Variants in L3MBTL3 observed in about 807,000 individuals in gnomAD.
L3MBTL3 encodes the protein lethal(3)malignant brain tumor-like protein 3.
A neutral mutation model predicts 102.3 loss-of-function variants in L3MBTL3; 27 were observed. The observed-to-expected ratio is 0.26, with a 90% CI of 0.19 to 0.36. The LOEUF (loss-of-function observed/expected upper bound fraction) is 0.36, where lower values mean the gene tolerates loss of function less well. L3MBTL3 is among the 10% of genes least tolerant of loss of function. The pLI is 1.00. For synonymous variants in L3MBTL3, 340 were observed against 320.9 expected (o/e 1.06, Z -0.64); for missense variants, 798 against 955.3 (o/e 0.84, Z 2.17).
intron 20 of L3MBTL3, among the ~76,000 whole-genome samples, chr6:130,124,734 G>T (rs1045288563): frequency 1.3e-5 from 2 of 152,176 alleles, no homozygotes; most frequent in Admixed American, 1.3e-4. Flanking sequence ...ACTTTGGGAG[G>T]CCGAGGCGGG....
intron 17 of L3MBTL3, among the ~76,000 whole-genome samples, chr6:130,093,150 A>G (rs1184854051): frequency 1.3e-5 from 2 of 152,216 alleles, no homozygotes; most frequent in East Asian, 1.9e-4. Context: ...GAGACTTTCA[A>G]AATTTATTGT....
At chr6:130,063,214 C>T (rs778947152) in intron 10 of L3MBTL3, among the ~76,000 whole-genome samples, 6 of 152,026 alleles carry the variant, frequency 3.9e-5, no homozygotes, top group Non-Finnish European at 5.9e-5. Context: ...AAGTAGGGCT[C>T]GTGGATACAG....
At chr6:130,098,629 A>T (rs1784498491) in intron 18 of L3MBTL3, among the ~76,000 whole-genome samples, 1 of 152,160 alleles carries the variant, frequency 6.6e-6, no homozygotes, top group Non-Finnish European at 1.5e-5. Context: ...CAAGGACTTA[A>T]TGTGTGACCT....
chr6:130,078,424 T>G, intron 13 of L3MBTL3, 134 bp from the exon 14 acceptor site: 1 of 565,254 alleles, frequency 1.8e-6, no homozygotes, highest in Admixed American at 3.5e-5. Flanking sequence ...TTTAGCATTT[T>G]TTTCCAAATT....
chr6:130,100,688 G>T (rs564805964), intron 18 of L3MBTL3, among the ~76,000 whole-genome samples: 1 of 151,752 alleles, frequency 6.6e-6, no homozygotes, highest in Admixed American at 6.6e-5. Context: ...GTGTCATAAT[G>T]GCTGCAGTCT....
At chr6:130,095,541 G>T (rs1208183939) in intron 18 of L3MBTL3, among the ~76,000 whole-genome samples, 1 of 152,080 alleles carries the variant, frequency 6.6e-6, no homozygotes, top group African/African-American at 2.4e-5. Flanking sequence ...CCTAGTGAAG[G>T]CAGCTGGATT....
chr6:130,071,247 CT>C, intron 13 of L3MBTL3, 120 bp downstream of exon 13: 2 of 861,954 alleles, frequency 2.3e-6, no homozygotes, highest in Admixed American at 5.4e-5. Flanking sequence ...CCACTTTTTC[CT>C]GTTACAGATT....
Position 130,115,244 on chromosome 6 carries a change from C to G in L3MBTL3, c.1887-5635C>G, listed in dbSNP as rs115173290. On this transcript the variant is annotated intron_variant, in intron 19 of 22. Transcript: ENST00000361794. ...AAGGGTGGCGTTATTTTAAACCAAG[C>G]CAAACTAAGGAGTGAACTTTCACAC... Among the ~76,000 whole-genome samples, 847 of 152,220 alleles carry G rather than the reference C, an allele frequency of 5.6e-3. 13 individuals are homozygous for G. Among genetic ancestry groups the G allele is most frequent in the African/African-American group, 0.019 (787 of 41,536 alleles).
intron 19 of L3MBTL3, among the ~76,000 whole-genome samples, chr6:130,105,613 C>A (rs1166508510): frequency 1.6e-4 from 13 of 83,356 alleles, no homozygotes; most frequent in Non-Finnish European, 3.3e-4. Flanking sequence ...CAGAGTGAGA[C>A]CCTGTCTCAA....
chr6:130,037,782 A>G (rs1035395543), intron 2 of L3MBTL3, among the ~76,000 whole-genome samples: 2 of 152,140 alleles, frequency 1.3e-5, no homozygotes, highest in African/African-American at 4.8e-5. Flanking sequence ...TGCTTTGGGA[A>G]TATTCAAAAT....
chr6:130,055,314 C>A, intron 8 of L3MBTL3, 59 bp downstream of exon 8: 1 of 1,344,006 alleles, frequency 7.4e-7, no homozygotes, highest in Non-Finnish European at 1.0e-6. Context: ...ATGGTTCACA[C>A]AGGTGGAAAT....
intron 6 of L3MBTL3, among the ~76,000 whole-genome samples, chr6:130,052,296 G>A (rs1372442165): frequency 2.0e-5 from 3 of 151,734 alleles, no homozygotes; most frequent in Non-Finnish European, 4.4e-5. Flanking sequence ...TAGTAGAGAC[G>A]GGGTTTCACC....
intron 14 of L3MBTL3, among the ~76,000 whole-genome samples, chr6:130,079,024 G>C (rs1389477722): frequency 1.3e-5 from 2 of 151,904 alleles, no homozygotes; most frequent in Non-Finnish European, 2.9e-5. Context: ...CTTTATATTA[G>C]TATATATTTA....
intron 10 of L3MBTL3, among the ~76,000 whole-genome samples, 183 bp from the exon 11 acceptor site, chr6:130,066,170 T>C (rs576359874): frequency 6.6e-6 from 1 of 152,264 alleles, no homozygotes; most frequent in African/African-American, 2.4e-5. Context: ...CTTCCCACTT[T>C]AATAGCTTTT....
chr6:130,060,918 A>G (rs1443658271), intron 10 of L3MBTL3, among the ~76,000 whole-genome samples: 2 of 151,960 alleles, frequency 1.3e-5, no homozygotes, highest in Non-Finnish European at 2.9e-5. Context: ...AGTTTGAGGT[A>G]TTATACTATT....
chr6:130,026,140 G>A (rs1779327477), intron 2 of L3MBTL3, among the ~76,000 whole-genome samples: 1 of 152,092 alleles, frequency 6.6e-6, no homozygotes, highest in Admixed American at 6.5e-5. Context: ...AATGTTAAGT[G>A]CAATTGTATA....
intron 10 of L3MBTL3, 100 bp downstream of exon 10, chr6:130,060,240 G>T (rs71570995): frequency 0.013 from 8,702 of 670,512 alleles, 117 homozygotes; most frequent in South Asian, 0.039. Context: ...GCCAGGCATG[G>T]TGCTTACTGT....
In L3MBTL3 at chr6:130,035,128, C is replaced by T. The variant is rs559299978; in HGVS notation, c.-15-7557C>T. Among the ~76,000 whole-genome samples the T allele has an allele frequency of 6.6e-5, 10 of 152,092 alleles. No homozygotes were observed. The South Asian group carries it at 8.3e-4, about 13-fold the overall frequency. ...ATACACTTTTAAATAAACATGAAACCGGATTTAAAAACTCATTTTTATTCA... is the reference window on the plus strand; with the variant it reads ...ATACACTTTTAAATAAACATGAAACTGGATTTAAAAACTCATTTTTATTCA... On this transcript the variant is annotated intron_variant, in intron 2 of 22. Transcript: ENST00000361794.
Position 130,060,068 on chromosome 6 carries a change from C to T in L3MBTL3, c.792C>T (p.Phe264=). 2 of 1,613,342 alleles carry T rather than the reference C, an allele frequency of 1.2e-6. No homozygotes were observed. Among genetic ancestry groups the T allele is most frequent in the South Asian group, 1.1e-5 (1 of 91,034 alleles). Residue 264 remains phenylalanine (F), a synonymous_variant, in exon 10 of 23, where the codon TTC becomes TTT. Transcript: ENST00000361794. ...CCTTTCCATATAACAAAAATGGATT[C>T]AAAGTTGGCATGAAATTAGAAGGCG... ...HQSFPYNKNG[F]KVGMKLEGVD...
Sources: allele counts gnomAD v4.1 joint callset (sites outside exome capture counted in the v4.1 genomes callset), GRCh38; gene constraint gnomAD v4.1.1; transcripts MANE v1.5; gene names NCBI Gene and HGNC (gene_info 2026-07-23, HGNC 2026-07-21).